RERE: variants seen among roughly 807,000 people sequenced by gnomAD.
The protein encoded by RERE is arginine-glutamic acid dipeptide repeats.
RERE carries 40 observed loss-of-function variants against 146.1 expected under a neutral mutation model. That is an observed-to-expected ratio of 0.27 (90% CI 0.21 to 0.36). The LOEUF (loss-of-function observed/expected upper bound fraction) is 0.36, where lower values mean the gene tolerates loss of function less well. RERE is among the 10% of genes least tolerant of loss of function. The pLI, the probability that RERE is intolerant of heterozygous loss-of-function variation, is 1.00. For synonymous variants in RERE, 1,003 were observed against 866.0 expected (o/e 1.16, Z -2.78); for missense variants, 1,933 against 2,138.7 (o/e 0.90, Z 1.90).
At chr1:8,640,523 T>C (rs1274632292) in intron 2 of RERE, among the ~76,000 whole-genome samples, 1 of 152,222 alleles carries the variant, frequency 6.6e-6, no homozygotes, top group Non-Finnish European at 1.5e-5. Context: ...AATCTAGAGA[T>C]GTAAGTCAGA....
At chr1:8,775,359 G>A (rs1049182026) in intron 1 of RERE, among the ~76,000 whole-genome samples, 1 of 152,168 alleles carries the variant, frequency 6.6e-6, no homozygotes, top group Non-Finnish European at 1.5e-5. Flanking sequence ...ACTTCTTGAA[G>A]CTAGGCATTC....
intron 1 of RERE, among the ~76,000 whole-genome samples, chr1:8,762,446 ATTTAC>A (rs1640772772): frequency 6.6e-6 from 1 of 152,186 alleles, no homozygotes; most frequent in Admixed American, 6.5e-5. Flanking sequence ...ACTTGTGCCC[ATTTAC>A]TTAATTTTTT....
intron 12 of RERE, among the ~76,000 whole-genome samples, chr1:8,367,069 C>A (rs1416534477): frequency 6.6e-6 from 1 of 152,082 alleles, no homozygotes; most frequent in Admixed American, 6.6e-5. Context: ...GGTACCTGCA[C>A]CCTCACTTTG....
intron 4 of RERE, among the ~76,000 whole-genome samples, chr1:8,573,540 T>C (rs1557692841): frequency 6.6e-6 from 1 of 152,216 alleles, no homozygotes; most frequent in Non-Finnish European, 1.5e-5. Flanking sequence ...TTCATACATT[T>C]TCCTGATAGT....
At chr1:8,792,885 A>G (rs1641388121) in intron 1 of RERE, among the ~76,000 whole-genome samples, 1 of 152,100 alleles carries the variant, frequency 6.6e-6, no homozygotes, top group Admixed American at 6.6e-5. Context: ...GGCCGGGTGC[A>G]GTGGCTCACG....
At chr1:8,598,252 G>A (rs1570487491) in intron 4 of RERE, among the ~76,000 whole-genome samples, 1 of 152,150 alleles carries the variant, frequency 6.6e-6, no homozygotes, top group African/African-American at 2.4e-5. Context: ...GACTAAGCAG[G>A]AACGAACATA....
At chr1:8,417,901 T>C (rs1444810161) in intron 12 of RERE, among the ~76,000 whole-genome samples, 2 of 152,198 alleles carry the variant, frequency 1.3e-5, no homozygotes, top group Admixed American at 1.3e-4. Context: ...GTATTTCCTA[T>C]GGCTGGAAAG....
chr1:8,386,547 A>G (rs975598230), intron 12 of RERE, among the ~76,000 whole-genome samples: 1 of 74,030 alleles, frequency 1.4e-5, no homozygotes, highest in African/African-American at 3.5e-5. Context: ...CTGAACATAC[A>G]TTATTTAAGA....
intron 1 of RERE, among the ~76,000 whole-genome samples, chr1:8,675,985 C>T (rs1454182233): frequency 2.6e-5 from 4 of 152,060 alleles, no homozygotes; most frequent in African/African-American, 4.8e-5. Context: ...TTTCAGATAT[C>T]GTATTTTTGG....
rs373457468 is a variant in RERE at position 8,360,194 on chromosome 1, C to G, written c.3313G>C (p.Glu1105Gln). The G allele has an allele frequency of 6.3e-6, 10 of 1,596,566 alleles. No individual in the cohort carries two copies. Among genetic ancestry groups the G allele is most frequent in the Non-Finnish European group, 8.5e-6 (10 of 1,172,566 alleles). The change falls in exon 18 of 23, where the codon GAG (glutamate) becomes CAG (glutamine). Residue 1105 changes from glutamate (E) to glutamine (Q), a missense_variant. Transcript: ENST00000400908. ...CTCCTTGGTGGGGGAGGGGGGCTCT[C>G]AGGCTCCTCAGCGTCGTCCAGAGCC... ...EEALDDAEEP[E>Q]SPPPPPRSPS...
chr1:8,562,677 G>C (rs1256392409), intron 4 of RERE, among the ~76,000 whole-genome samples: 1 of 152,022 alleles, frequency 6.6e-6, no homozygotes, highest in Non-Finnish European at 1.5e-5. Flanking sequence ...TGGACATCTT[G>C]CTATGTTTTA....
chr1:8,385,993 A>AAATATATATATAT (rs1553159741), intron 12 of RERE, among the ~76,000 whole-genome samples: 1 of 26,482 alleles, frequency 3.8e-5, no homozygotes, highest in Non-Finnish European at 7.1e-5. Flanking sequence ...AAAAAAAAAA[A>AAATATATATATAT]ATATATATAT....
In RERE at chr1:8,354,943, A is replaced by AT; in HGVS notation, c.*143dup. On this transcript the variant is annotated 3_prime_UTR_variant, in exon 23 of 23. Coordinates refer to ENST00000400908, the MANE Select transcript of RERE (RefSeq NM_001042681.2). Reference sequence around the variant, plus strand: ...CAAACGAACACTACTATGTGGATACATTTTTAGTTGTGGGTTTTTAAATAT... The same window carrying AT: ...CAAACGAACACTACTATGTGGATACATTTTTTAGTTGTGGGTTTTTAAATAT... 1.4e-6 allele frequency: 1 copy of AT among 692,420 alleles called. No individual in the cohort carries two copies. The highest frequency in any genetic ancestry group is 2.4e-6 in the Non-Finnish European group (1 of 410,626). The allele number at this position is 692,420 out of a possible 1,614,324, so 42.9% of individuals were successfully genotyped here.
At chr1:8,657,862 T>C (rs1638359550) in intron 1 of RERE, among the ~76,000 whole-genome samples, 2 of 152,152 alleles carry the variant, frequency 1.3e-5, no homozygotes, top group African/African-American at 4.8e-5. Context: ...GAAAATGTAT[T>C]GTCTCTGCCT....
intron 12 of RERE, among the ~76,000 whole-genome samples, chr1:8,405,533 TG>T: frequency 6.6e-6 from 1 of 152,264 alleles, no homozygotes; most frequent in African/African-American, 2.4e-5. Context: ...TAGAACTGAA[TG>T]AGGCCATTTC....
In RERE at chr1:8,362,743, G is replaced by C. The variant is rs752454058; in HGVS notation, c.1842C>G (p.Pro614=). ...EDIRSSGRNS[P]SAASTSSNDS... is the part of the protein sequence containing the mutation. ...CATTGCTGGAGGTACTGGCAGCGCT[G>C]GGGGAGTTCCGGCCGCTGGAGCGGA... The change falls in exon 16 of 23, where the codon CCC becomes CCG. Residue 614 remains proline (P), a synonymous_variant. Transcript: ENST00000400908. 10 of 1,614,078 alleles carry C rather than the reference G, an allele frequency of 6.2e-6. No individual in the cohort carries two copies. The highest frequency in any genetic ancestry group is 5.9e-6 in the Non-Finnish European group (7 of 1,180,054).
intron 7 of RERE, among the ~76,000 whole-genome samples, chr1:8,530,784 C>T (rs1027584024): frequency 1.3e-3 from 193 of 149,360 alleles, no homozygotes; most frequent in African/African-American, 4.3e-3. Context: ...CTCCGCTTCC[C>T]GGGTTCACGC....
chr1:8,813,618 T>A, intron 1 of RERE, among the ~76,000 whole-genome samples: 1 of 149,104 alleles, frequency 6.7e-6, no homozygotes. Flanking sequence ...TTTTTCCTTT[T>A]TTTTTTTTTT....
chr1:8,531,090 CATCTTTCTATCTATCT>C (rs886496067), intron 7 of RERE, among the ~76,000 whole-genome samples: 11 of 149,668 alleles, frequency 7.3e-5, no homozygotes, highest in Non-Finnish European at 1.3e-4. Context: ...TCTATCTGTC[CATCTTTCTATCTATCT>C]GTCCATCCAT....
Sources: allele counts gnomAD v4.1 joint callset (sites outside exome capture counted in the v4.1 genomes callset), GRCh38; gene constraint gnomAD v4.1.1; transcripts MANE v1.5; gene names NCBI Gene and HGNC (gene_info 2026-07-23, HGNC 2026-07-21).